The following LRRC37A2 variants were observed in gnomAD, a reference collection of about 807,000 sequenced individuals.
LRRC37A2 encodes the protein leucine rich repeat containing 37 member A2.
A neutral mutation model predicts 68.8 loss-of-function variants in LRRC37A2; 9 were observed. That is an observed-to-expected ratio of 0.13 (90% CI 0.08 to 0.23). LRRC37A2 has a LOEUF of 0.23. LRRC37A2 is among the 10% of genes least tolerant of loss of function. LRRC37A2 has a pLI of 1.00. For synonymous variants in LRRC37A2, 63 were observed against 367.6 expected, an observed-to-expected ratio of 0.17 and a Z score of 9.48; for missense variants, 168 against 950.4, an observed-to-expected ratio of 0.18 and a Z score of 10.82.
the LRRC37A2 span, among the ~76,000 whole-genome samples, chr17:46,852,223 C>T: frequency 2.0e-5 from 3 of 152,220 alleles, no homozygotes; most frequent in Admixed American, 6.5e-5. Flanking sequence ...TTCCCGGTCT[C>T]GGGGCAGAGG....
the LRRC37A2 span, among the ~76,000 whole-genome samples, chr17:46,890,499 A>G: frequency 1.3e-5 from 2 of 152,118 alleles, no homozygotes; most frequent in African/African-American, 4.8e-5. Context: ...CCCTCGAGGT[A>G]GACTCATACT....
the LRRC37A2 span, among the ~76,000 whole-genome samples, chr17:46,907,194 C>G: frequency 6.6e-6 from 1 of 152,194 alleles, no homozygotes; most frequent in East Asian, 1.9e-4. Context: ...GAGGGCTGAG[C>G]CAGGATTCAA....
At chr17:46,504,953 G>GATTTATTAATT in the LRRC37A2 span, among the ~76,000 whole-genome samples, 6 of 102,028 alleles carry the variant, frequency 5.9e-5, no homozygotes, top group Non-Finnish European at 7.5e-5. Context: ...AACTAATTTT[G>GATTTATTAATT]AGAGAGAGTC....
chr17:46,760,024 T>TTGGGAGGCTGAAG, the LRRC37A2 span, among the ~76,000 whole-genome samples: 1 of 152,078 alleles, frequency 6.6e-6, no homozygotes, highest in African/African-American at 2.4e-5. Context: ...TCCCAACACT[T>TTGGGAGGCTGAAG]TGGGAGGCTG....
chr17:47,001,944 G>A, the LRRC37A2 span, among the ~76,000 whole-genome samples: 4 of 151,962 alleles, frequency 2.6e-5, no homozygotes, highest in Admixed American at 6.6e-5. Flanking sequence ...TACAAATGTT[G>A]GCCAGGCTGG....
the LRRC37A2 span, among the ~76,000 whole-genome samples, chr17:46,902,313 A>C: frequency 6.6e-6 from 1 of 152,202 alleles, no homozygotes; most frequent in Admixed American, 6.5e-5. Flanking sequence ...GAAGAAATGG[A>C]GGCTCATAGA....
At chr17:47,033,151 A>T in the LRRC37A2 span, 2 of 573,462 alleles carry the variant, frequency 3.5e-6, no homozygotes, top group Non-Finnish European at 6.0e-6. Flanking sequence ...CAGGAGGTGG[A>T]GTTTGCAGTG....
At chr17:46,722,198 G>T in the LRRC37A2 span, 1 of 1,584,004 alleles carries the variant, frequency 6.3e-7, no homozygotes, top group South Asian at 1.1e-5. Context: ...TGCAGCGCCT[G>T]CTTAGGAAGA....
At chr17:47,028,693 A>C in the LRRC37A2 span, among the ~76,000 whole-genome samples, 1 of 151,894 alleles carries the variant, frequency 6.6e-6, no homozygotes, top group African/African-American at 2.4e-5. Flanking sequence ...GGATCACCCG[A>C]GGTCAGGAAT....
chr17:46,962,353 G>A, the LRRC37A2 span, among the ~76,000 whole-genome samples: 1 of 150,726 alleles, frequency 6.6e-6, no homozygotes, highest in African/African-American at 2.4e-5. Flanking sequence ...GTATTGATCA[G>A]TGTAGTAGTT....
At chr17:46,924,168 T>C in the LRRC37A2 span, 3 of 293,320 alleles carry the variant, frequency 1.0e-5, no homozygotes, top group African/African-American at 6.5e-5. Flanking sequence ...TTTACTTCTC[T>C]CTATGAGTTT....
the LRRC37A2 span, among the ~76,000 whole-genome samples, chr17:46,782,586 G>A: frequency 1.3e-5 from 2 of 152,372 alleles, no homozygotes; most frequent in East Asian, 3.9e-4. Flanking sequence ...TTCCACTTAG[G>A]TCAAGAAGCC....
the LRRC37A2 span, among the ~76,000 whole-genome samples, chr17:46,392,393 CTCTT>C: frequency 4.0e-3 from 226 of 57,048 alleles, 60 homozygotes; most frequent in African/African-American, 0.011. Context: ...CTTTCTTTCT[CTCTT>C]TCTTTCTTTC....
chr17:46,750,566 C>A, the LRRC37A2 span, among the ~76,000 whole-genome samples: 1 of 152,124 alleles, frequency 6.6e-6, no homozygotes, highest in Non-Finnish European at 1.5e-5. Context: ...TCAACCTGTA[C>A]CTCCAGTTGT....
the LRRC37A2 span, chr17:46,936,806 C>T: frequency 1.0e-6 from 1 of 984,384 alleles, no homozygotes; most frequent in Non-Finnish European, 1.2e-6. Flanking sequence ...ATACATTTCT[C>T]TGATCTCTGA....
chr17:46,992,048 G>A, the LRRC37A2 span, among the ~76,000 whole-genome samples: 1 of 152,176 alleles, frequency 6.6e-6, no homozygotes, highest in Admixed American at 6.5e-5. Context: ...CTTGCAAATG[G>A]AATGCAAGGC....
chr17:47,033,103 G>A, the LRRC37A2 span, among the ~76,000 whole-genome samples: 1 of 151,602 alleles, frequency 6.6e-6, no homozygotes, highest in Non-Finnish European at 1.5e-5. Context: ...TATGATCCCA[G>A]CTACTCTGAA....
chr17:46,757,881 C>G, the LRRC37A2 span, among the ~76,000 whole-genome samples: 1 of 151,972 alleles, frequency 6.6e-6, no homozygotes, highest in South Asian at 2.1e-4. Flanking sequence ...ATAATCCCAG[C>G]TACTCAGGAG....
the LRRC37A2 span, among the ~76,000 whole-genome samples, chr17:46,873,831 A>C: frequency 1.3e-5 from 2 of 152,020 alleles, no homozygotes; most frequent in Admixed American, 1.3e-4. Context: ...CTCTACTAAA[A>C]ATACAAAAAT....
Sources: gnomAD v4.1 joint callset for allele counts (sites outside exome capture counted in the v4.1 genomes callset) on GRCh38, gnomAD v4.1.1 for gene constraint, MANE v1.5 for transcripts, NCBI Gene and HGNC (gene_info 2026-07-23, HGNC 2026-07-21) for gene names.